Variants in SNTG1 observed in about 807,000 individuals in gnomAD.
The protein encoded by SNTG1 is syntrophin gamma 1, also known as gamma-1-syntrophin.
SNTG1 carries 39 observed loss-of-function variants against 74.7 expected under a neutral mutation model. The ratio of observed to expected loss-of-function variants is 0.52; its 90% CI spans 0.40 to 0.68. The LOEUF (loss-of-function observed/expected upper bound fraction) is 0.68. Among genes scored for constraint, SNTG1 ranks in the 30% least tolerant of loss-of-function variants. The pLI, the probability that SNTG1 is intolerant of heterozygous loss-of-function variation, is 0.00. For missense variants in SNTG1, 685 were observed against 609.5 expected (o/e 1.12, Z -1.30); for synonymous variants, 254 against 217.1 (o/e 1.17, Z -1.49).
chr8:50,537,341 C>T (rs190597889), intron 11 of SNTG1, among the ~76,000 whole-genome samples: 4 of 152,260 alleles, frequency 2.6e-5, no homozygotes, highest in East Asian at 1.9e-4. Flanking sequence ...GATCTGCCTG[C>T]CTCAGCCTCC....
intron 2 of SNTG1, among the ~76,000 whole-genome samples, chr8:50,391,023 C>A (rs2092650931): frequency 1.3e-5 from 2 of 152,250 alleles, no homozygotes; most frequent in Admixed American, 6.5e-5. Context: ...CAAACAGGGA[C>A]AATTTGACTT....
At chr8:50,014,725 T>G (rs1321227428) in intron 1 of SNTG1, among the ~76,000 whole-genome samples, 2 of 152,092 alleles carry the variant, frequency 1.3e-5, no homozygotes, top group African/African-American at 4.8e-5. Flanking sequence ...AGTTATACAC[T>G]AAATTATAAT....
At chr8:50,006,357 T>TA (rs1815239983) in intron 1 of SNTG1, among the ~76,000 whole-genome samples, 1 of 152,228 alleles carries the variant, frequency 6.6e-6, no homozygotes, top group Admixed American at 6.5e-5. Flanking sequence ...AACTTTTTTT[T>TA]ATGATGACTG....
intron 13 of SNTG1, among the ~76,000 whole-genome samples, chr8:50,596,002 A>C (rs894765868): frequency 6.6e-6 from 1 of 152,026 alleles, no homozygotes; most frequent in African/African-American, 2.4e-5. Context: ...GTAGTGTAAT[A>C]ACTCAATATT....
At chr8:50,443,876 G>A (rs2093381124) in intron 5 of SNTG1, among the ~76,000 whole-genome samples, 1 of 152,104 alleles carries the variant, frequency 6.6e-6, no homozygotes, top group Non-Finnish European at 1.5e-5. Context: ...GCTCATGCCT[G>A]TAATCCCAGG....
chr8:50,498,151 A>C (rs1056767726), intron 8 of SNTG1, among the ~76,000 whole-genome samples: 3 of 151,942 alleles, frequency 2.0e-5, no homozygotes, highest in Non-Finnish European at 4.4e-5. Context: ...TAGATCATGT[A>C]GTATGGCTTG....
rs553273857 is a variant in SNTG1 at position 50,206,946 on chromosome 8, C to T, written c.-28+34311C>T. The stretch of plus-strand genomic sequence containing the variant: ...TGATTGTGATGGATAACCTTTTTGA[C>T]GTGCTGCTGGTTTTGGTTTGCCAGT... On this transcript the variant is annotated intron_variant, in intron 2 of 18. Transcript: ENST00000642720. 3.9e-5 allele frequency among the ~76,000 whole-genome samples: 6 copies of T among 152,106 alleles called. No homozygotes were observed. The East Asian group carries it at 7.7e-4, about 20-fold the overall frequency.
At chr8:50,545,921 A>G (rs1267081222) in intron 11 of SNTG1, among the ~76,000 whole-genome samples, 3 of 152,164 alleles carry the variant, frequency 2.0e-5, no homozygotes, top group Non-Finnish European at 4.4e-5. Flanking sequence ...ATAAAGCGAA[A>G]TATGAATCTG....
chr8:50,406,146 T>A (rs1014984693), intron 4 of SNTG1, among the ~76,000 whole-genome samples: 16 of 152,120 alleles, frequency 1.1e-4, no homozygotes, highest in African/African-American at 3.9e-4. Flanking sequence ...AGTATGGACA[T>A]CTTAATAATA....
In SNTG1 at chr8:49,987,793, C is replaced by T. The variant is rs113636127; in HGVS notation, c.-103+75562C>T. 3.2e-4 allele frequency among the ~76,000 whole-genome samples: 49 copies of T among 151,822 alleles called. 2 individuals are homozygous for T. In the South Asian group the frequency reaches 8.9e-3, roughly 28 times the overall value. ...CCTCCTGGGTAGCTGGGACTACAGG[C>T]GCCCGCCACCATGCCCAGCTAATTT... On this transcript the variant is annotated intron_variant, in intron 1 of 18. Coordinates refer to ENST00000642720, the MANE Select transcript of SNTG1 (RefSeq NM_018967.5).
chr8:50,561,242 C>T (rs904876253), intron 12 of SNTG1, among the ~76,000 whole-genome samples: 2 of 152,114 alleles, frequency 1.3e-5, no homozygotes, highest in African/African-American at 4.8e-5. Flanking sequence ...AAGGTGCTTG[C>T]TTCTCCTTTG....
chr8:49,916,742 A>G (rs1365521003), intron 1 of SNTG1, among the ~76,000 whole-genome samples: 5 of 152,158 alleles, frequency 3.3e-5, no homozygotes. Flanking sequence ...ACAGTGGCTC[A>G]TGCCTATAAT....
At position 50,711,430 on chromosome 8, in the gene SNTG1, T is replaced by C. The variant is rs577483635; in HGVS notation, c.1284+2452T>C. Among the ~76,000 whole-genome samples the C allele has an allele frequency of 4.9e-4, 74 of 152,204 alleles. 3 individuals are homozygous for C. In the South Asian group the frequency reaches 0.014, roughly 29 times the overall value. ...AGTTACTACAGAAGCAAACCAAAGG[T>C]CTTGAAATAAAGAAGAGATTCCAGG... On this transcript the variant is annotated intron_variant, in intron 17 of 18. Transcript: ENST00000642720.
At chr8:50,517,571 G>T (rs1275721056) in intron 9 of SNTG1, among the ~76,000 whole-genome samples, 6 of 133,400 alleles carry the variant, frequency 4.5e-5, no homozygotes, top group Admixed American at 3.3e-4. Flanking sequence ...ACACACATAG[G>T]CTCAAATAAA....
intron 13 of SNTG1, among the ~76,000 whole-genome samples, chr8:50,641,703 C>T (rs1477263751): frequency 2.0e-5 from 3 of 152,180 alleles, no homozygotes; most frequent in Non-Finnish European, 4.4e-5. Context: ...TATCGGTCCT[C>T]GTGATAATTG....
chr8:50,374,022 TCC>T (rs532880665), intron 2 of SNTG1, among the ~76,000 whole-genome samples: 169 of 152,334 alleles, frequency 1.1e-3, no homozygotes, highest in Non-Finnish European at 2.0e-3. Flanking sequence ...AAATTTATCT[TCC>T]CCAAAATTCA....
chr8:50,693,324 A>C (rs1295839809), intron 15 of SNTG1, among the ~76,000 whole-genome samples: 1 of 152,110 alleles, frequency 6.6e-6, no homozygotes, highest in Non-Finnish European at 1.5e-5. Context: ...AAATGCAGAA[A>C]TCACCCGTCT....
intron 15 of SNTG1, among the ~76,000 whole-genome samples, chr8:50,661,160 G>T (rs1462767334): frequency 6.6e-6 from 1 of 152,100 alleles, no homozygotes; most frequent in East Asian, 1.9e-4. Flanking sequence ...AAAAGCCACT[G>T]CTTTCATTGA....
At chr8:50,743,286 T>C (rs959919090) in intron 17 of SNTG1, among the ~76,000 whole-genome samples, 1 of 151,808 alleles carries the variant, frequency 6.6e-6, no homozygotes, top group African/African-American at 2.4e-5. Context: ...CAGCAACATA[T>C]TAAAAGGATT....
Sources: allele counts gnomAD v4.1 joint callset (sites outside exome capture counted in the v4.1 genomes callset), GRCh38; gene constraint gnomAD v4.1.1; transcripts MANE v1.5; gene names NCBI Gene and HGNC (gene_info 2026-07-23, HGNC 2026-07-21).